Variants in STAB2 observed in about 807,000 individuals in gnomAD.
STAB2 encodes the protein stabilin-2.
In STAB2, 288 loss-of-function variants were observed where a neutral mutation model predicts 338.1. The observed-to-expected ratio is 0.85, with a 90% CI of 0.77 to 0.94. The LOEUF (loss-of-function observed/expected upper bound fraction) is 0.94. Ranked by LOEUF, STAB2 falls within the 40% of genes least tolerant of loss-of-function variation. The pLI, the probability that STAB2 is intolerant of heterozygous loss-of-function variation, is 0.00. For synonymous variants in STAB2, 1,202 were observed against 1,193.3 expected, an observed-to-expected ratio of 1.01 and a Z score of -0.15; for missense variants, 3,141 against 3,210.1, an observed-to-expected ratio of 0.98 and a Z score of 0.52.
intron 63 of STAB2, 77 bp from the exon 64 acceptor site, chr12:103,758,093 C>A: frequency 6.3e-7 from 1 of 1,593,068 alleles, no homozygotes; most frequent in African/African-American, 1.3e-5. Context: ...ATGGGTGATG[C>A]CCTGGGACCT....
intron 39 of STAB2, among the ~76,000 whole-genome samples, chr12:103,710,322 G>A (rs903178988): frequency 6.6e-6 from 1 of 152,130 alleles, no homozygotes; most frequent in African/African-American, 2.4e-5. Context: ...TTCTACACAG[G>A]AAGTTTCCAG....
At chr12:103,650,207 T>C (rs1314573526) in intron 10 of STAB2, among the ~76,000 whole-genome samples, 1 of 151,434 alleles carries the variant, frequency 6.6e-6, no homozygotes, top group Non-Finnish European at 1.5e-5. Flanking sequence ...CCTGGGGTTG[T>C]GGTAGGATTT....
At chr12:103,633,691 A>G (rs1197837935) in intron 6 of STAB2, among the ~76,000 whole-genome samples, 1 of 152,228 alleles carries the variant, frequency 6.6e-6, no homozygotes, top group Non-Finnish European at 1.5e-5. Flanking sequence ...CAAAAAGAAG[A>G]AATGAAAACC....
chr12:103,624,503 G>A (rs1275071152), intron 5 of STAB2, among the ~76,000 whole-genome samples: 1 of 152,204 alleles, frequency 6.6e-6, no homozygotes, highest in Non-Finnish European at 1.5e-5. Flanking sequence ...AAATAATATT[G>A]CCTCCTTTAG....
intron 56 of STAB2, among the ~76,000 whole-genome samples, chr12:103,743,142 T>C (rs180924663): frequency 6.6e-6 from 1 of 151,378 alleles, no homozygotes; most frequent in Non-Finnish European, 1.5e-5. Flanking sequence ...CCAGCCTCAG[T>C]CTCCTGAGTA....
intron 19 of STAB2, 114 bp from the exon 20 acceptor site, chr12:103,668,529 C>A: frequency 1.0e-6 from 1 of 960,942 alleles, no homozygotes; most frequent in Non-Finnish European, 1.6e-6. Context: ...AGCACTCTCT[C>A]CTGACGTCAG....
At chr12:103,666,855 A>C (rs1192004220) in intron 19 of STAB2, among the ~76,000 whole-genome samples, 1 of 152,226 alleles carries the variant, frequency 6.6e-6, no homozygotes, top group East Asian at 1.9e-4. Flanking sequence ...TTCTGTACAC[A>C]TTTATTGAGG....
chr12:103,699,781 C>T (rs1191089806), intron 34 of STAB2, among the ~76,000 whole-genome samples: 1 of 152,238 alleles, frequency 6.6e-6, no homozygotes, highest in Non-Finnish European at 1.5e-5. Context: ...CAAGCTCCCA[C>T]TCTCCTGCCC....
At chr12:103,600,407 G>A (rs936958182) in intron 3 of STAB2, among the ~76,000 whole-genome samples, 1 of 152,196 alleles carries the variant, frequency 6.6e-6, no homozygotes, top group Admixed American at 6.5e-5. Context: ...AGACTGAGTG[G>A]CTGAAACAAC....
intron 44 of STAB2, among the ~76,000 whole-genome samples, chr12:103,724,395 G>T (rs1469428198): frequency 2.6e-5 from 4 of 152,304 alleles, no homozygotes; most frequent in Admixed American, 1.3e-4. Flanking sequence ...CACGGGGAAG[G>T]GTTTGTGAGG....
intron 38 of STAB2, among the ~76,000 whole-genome samples, chr12:103,708,127 A>G (rs1879531393): frequency 6.6e-6 from 1 of 152,186 alleles, no homozygotes; most frequent in Non-Finnish European, 1.5e-5. Context: ...GGAGCCCTGC[A>G]TAACCCTGGA....
chr12:103,599,308 C>T (rs904578278), intron 3 of STAB2, among the ~76,000 whole-genome samples: 2 of 152,304 alleles, frequency 1.3e-5, no homozygotes, highest in African/African-American at 2.4e-5. Context: ...ATGGTAAAGC[C>T]TCCTGCATTA....
chr12:103,602,521 T>C (rs568360082), intron 3 of STAB2, among the ~76,000 whole-genome samples: 1 of 152,330 alleles, frequency 6.6e-6, no homozygotes, highest in South Asian at 2.1e-4. Context: ...AGTAAAAATA[T>C]GTTCAACTTT....
At chr12:103,603,100 T>C (rs1956977111) in intron 3 of STAB2, among the ~76,000 whole-genome samples, 1 of 152,208 alleles carries the variant, frequency 6.6e-6, no homozygotes, top group South Asian at 2.1e-4. Context: ...AGATGGAGTC[T>C]CGCTCTGTTG....
At chr12:103,743,182 C>T (rs1882730309) in intron 56 of STAB2, among the ~76,000 whole-genome samples, 1 of 151,984 alleles carries the variant, frequency 6.6e-6, no homozygotes, top group Admixed American at 6.6e-5. Context: ...GCCACCACAC[C>T]CGGCTAATTT....
chr12:103,698,747 C>T (rs1487762044), intron 33 of STAB2, among the ~76,000 whole-genome samples: 1 of 152,128 alleles, frequency 6.6e-6, no homozygotes, highest in Non-Finnish European at 1.5e-5. Context: ...TCTCGTGCCC[C>T]AGAGGTGAAA....
intron 45 of STAB2, among the ~76,000 whole-genome samples, 197 bp from the exon 46 acceptor site, chr12:103,725,919 A>C (rs1249602363): frequency 6.6e-6 from 1 of 152,218 alleles, no homozygotes; most frequent in Admixed American, 6.5e-5. Context: ...TGGCGATTCC[A>C]GAAAGGTTAT....
chr12:103,600,389 AAT>A (rs1210250906), intron 3 of STAB2, among the ~76,000 whole-genome samples: 1 of 152,218 alleles, frequency 6.6e-6, no homozygotes, highest in Non-Finnish European at 1.5e-5. Flanking sequence ...GCTACAACAA[AAT>A]ACTATAGACT....
rs781211805 is a variant in STAB2, at chr12:103,733,114, C to T, written c.5392C>T (p.Leu1798=). The T allele has an allele frequency of 1.2e-5, 20 of 1,614,034 alleles. No homozygotes were observed. Among genetic ancestry groups the T allele is most frequent in the Non-Finnish European group, 1.6e-5 (19 of 1,180,026 alleles). Residue 1798 remains leucine (L), a synonymous_variant, in exon 51 of 69, where the codon CTG becomes TTG. Transcript: ENST00000388887. The part of the protein sequence containing the change: ...HALPAEQQDF[L]FNQDNKDKLK... ...CCTACCTGCTGAACAACAGGACTTC[C>T]TGTTCAACCAAGACAACAAGGACAA...
Sources: allele counts gnomAD v4.1 joint callset (sites outside exome capture counted in the v4.1 genomes callset), GRCh38; gene constraint gnomAD v4.1.1; transcripts MANE v1.5; gene names NCBI Gene and HGNC (gene_info 2026-07-23, HGNC 2026-07-21).